The following TMTC1 variants were observed in gnomAD, a reference collection of about 807,000 sequenced individuals.
The protein encoded by TMTC1 is transmembrane O-mannosyltransferase targeting cadherins 1.
A neutral mutation model predicts 104.8 loss-of-function variants in TMTC1; 73 were observed. The observed-to-expected ratio is 0.70, with a 90% CI of 0.58 to 0.85. TMTC1 has a LOEUF of 0.85. Ranked by LOEUF, TMTC1 falls within the 40% of genes least tolerant of loss-of-function variation. TMTC1 has a pLI of 0.00. For missense variants in TMTC1, 1,035 were observed against 1,096.1 expected (o/e 0.94, Z 0.79); for synonymous variants, 434 against 428.7 (o/e 1.01, Z -0.15).
At position 29,504,995 on chromosome 12, in the gene TMTC1, G is replaced by A. The variant is rs1943667331; in HGVS notation, c.*1851C>T. ...TAATTAAGGTTGTGGATACATTTAT[G>A]TTATATAACATGAAAAAACTATTAG... is the stretch of plus-strand genomic sequence containing the variant. On this transcript the variant is annotated 3_prime_UTR_variant, in exon 18 of 18. Coordinates refer to ENST00000539277, the MANE Select transcript of TMTC1 (RefSeq NM_001193451.2). 1 of 152,128 alleles carries A rather than the reference G, an allele frequency of 6.6e-6. No homozygotes were observed. The highest frequency in any genetic ancestry group is 1.5e-5 in the Non-Finnish European group (1 of 68,022). 9.4% of individuals were successfully genotyped at this position (152,128 alleles called of 1,614,324 possible).
Position 29,681,035 on chromosome 12 carries a change from G to A in TMTC1, c.939-47699C>T, listed in dbSNP as rs569835093. ...AATCACTTGAACCTGGGAGGCAGAG[G>A]TTGCAGTGAGCCCAGATTGCACCAC... On this transcript the variant is annotated intron_variant, in intron 5 of 17. Transcript: ENST00000539277. Among the ~76,000 whole-genome samples, 90 of 146,994 alleles carry A rather than the reference G, an allele frequency of 6.1e-4. 2 individuals carry two copies. The South Asian group carries it at 0.019, about 31-fold the overall frequency.
At chr12:29,710,569 T>C (rs1941873984) in intron 5 of TMTC1, among the ~76,000 whole-genome samples, 1 of 145,204 alleles carries the variant, frequency 6.9e-6, no homozygotes. Context: ...AAATATTGTA[T>C]ATAATGTATA....
intron 9 of TMTC1, among the ~76,000 whole-genome samples, chr12:29,560,538 C>A (rs75791356): frequency 6.6e-6 from 1 of 151,880 alleles, no homozygotes; most frequent in South Asian, 2.1e-4. Context: ...GCTGGCAGAT[C>A]GCTTGAACTC....
At position 29,509,882 on chromosome 12, in the gene TMTC1, C is replaced by G. The variant is rs536207570; in HGVS notation, c.2508+2161G>C. The stretch of plus-strand genomic sequence containing the variant: ...TTCCTAATTTAAAGCAATGGGTTCA[C>G]CTGGTAAAGAGTGCAGTAGACATAC... On this transcript the variant is annotated intron_variant, in intron 17 of 17. Coordinates refer to ENST00000539277, the MANE Select transcript of TMTC1 (RefSeq NM_001193451.2). 5.0e-4 allele frequency among the ~76,000 whole-genome samples: 76 copies of G among 152,312 alleles called. 1 individual carries two copies. The highest frequency in any genetic ancestry group is 1.8e-3 in the African/African-American group (74 of 41,576).
intron 1 of TMTC1, 101 bp from the exon 2 acceptor site, chr12:29,768,176 T>C (rs1420953544): frequency 1.2e-5 from 11 of 883,190 alleles, no homozygotes; most frequent in Non-Finnish European, 1.8e-5. Context: ...GATAAGCTAT[T>C]AGATTAATGA....
intron 5 of TMTC1, among the ~76,000 whole-genome samples, chr12:29,702,510 T>C (rs1482719506): frequency 1.3e-5 from 2 of 152,176 alleles, no homozygotes; most frequent in African/African-American, 2.4e-5. Flanking sequence ...GCTGTTGGCA[T>C]CCTCAGAGAA....
chr12:29,502,388 A>G lies in TMTC1; in HGVS notation c.*4458T>C, dbSNP rs996905048. The G allele has an allele frequency of 6.6e-6, 1 of 151,614 alleles. No homozygotes were observed. The highest frequency in any genetic ancestry group is 1.5e-5 in the Non-Finnish European group (1 of 67,984). The allele number at this position is 151,614 out of a possible 1,614,324, so 9.4% of individuals were successfully genotyped here. On this transcript the variant is annotated 3_prime_UTR_variant, in exon 18 of 18. Coordinates refer to ENST00000539277, the MANE Select transcript of TMTC1 (RefSeq NM_001193451.2). ...TCTAACAAGTACAAAGAAATAATTAACAAAAGCTCATGTGTGCCCAAAATA... is the reference window on the plus strand; with the variant it reads ...TCTAACAAGTACAAAGAAATAATTAGCAAAAGCTCATGTGTGCCCAAAATA...
At chr12:29,722,051 T>C (rs1349717961) in intron 5 of TMTC1, among the ~76,000 whole-genome samples, 4 of 152,208 alleles carry the variant, frequency 2.6e-5, no homozygotes, top group Non-Finnish European at 2.9e-5. Flanking sequence ...TATCACGTCA[T>C]GTAGCTTCTA....
intron 5 of TMTC1, among the ~76,000 whole-genome samples, chr12:29,742,619 A>T (rs1294676702): frequency 3.3e-5 from 5 of 152,194 alleles, no homozygotes; most frequent in African/African-American, 4.8e-5. Flanking sequence ...TTATTTGTTT[A>T]TTAAAGTGAT....
chr12:29,552,745 C>A lies in TMTC1; in HGVS notation c.1676+4112G>T, dbSNP rs1945139434. Among the ~76,000 whole-genome samples, 4 of 152,278 alleles carry A rather than the reference C, an allele frequency of 2.6e-5. No individual in the cohort carries two copies. The South Asian group carries it at 8.3e-4, about 32-fold the overall frequency. On this transcript the variant is annotated intron_variant, in intron 10 of 17. Transcript: ENST00000539277. ...CACATCTAAAGAGATAACTTGGATTCTCAGAATGAGCATTAAGTTCCAGGT... is the reference window on the plus strand; with the variant it reads ...CACATCTAAAGAGATAACTTGGATTATCAGAATGAGCATTAAGTTCCAGGT...
At chr12:29,667,208 C>CT (rs1940320767) in intron 5 of TMTC1, among the ~76,000 whole-genome samples, 1 of 152,174 alleles carries the variant, frequency 6.6e-6, no homozygotes, top group Admixed American at 6.5e-5. Flanking sequence ...TCGTCTAAAC[C>CT]TTAATAGGCA....
chr12:29,625,803 A>G (rs1436048690), intron 6 of TMTC1, among the ~76,000 whole-genome samples: 7 of 152,180 alleles, frequency 4.6e-5, no homozygotes, highest in Admixed American at 4.6e-4. Context: ...GTGGGGAATC[A>G]CCAGTCCCCT....
chr12:29,758,507 T>A (rs1419341928), intron 3 of TMTC1, among the ~76,000 whole-genome samples, 197 bp downstream of exon 3: 2 of 152,124 alleles, frequency 1.3e-5, no homozygotes, highest in Non-Finnish European at 2.9e-5. Context: ...TTTAAGGTGC[T>A]ACAGTGTGGT....
intron 11 of TMTC1, among the ~76,000 whole-genome samples, chr12:29,525,867 C>T (rs1391787750): frequency 6.6e-6 from 1 of 152,186 alleles, no homozygotes; most frequent in African/African-American, 2.4e-5. Context: ...ATTTGTTTTA[C>T]AACTTGTCCA....
At chr12:29,737,511 T>A (rs938244668) in intron 5 of TMTC1, among the ~76,000 whole-genome samples, 3 of 151,006 alleles carry the variant, frequency 2.0e-5, no homozygotes, top group Non-Finnish European at 4.4e-5. Flanking sequence ...TGAAACTCCG[T>A]CAAAAAAATA....
At chr12:29,650,408 C>T (rs763528368) in intron 5 of TMTC1, among the ~76,000 whole-genome samples, 1 of 152,060 alleles carries the variant, frequency 6.6e-6, no homozygotes, top group Non-Finnish European at 1.5e-5. Context: ...CTGATTTTGA[C>T]TTCTGTGAAC....
At chr12:29,716,818 A>G (rs906759374) in intron 5 of TMTC1, among the ~76,000 whole-genome samples, 1 of 152,198 alleles carries the variant, frequency 6.6e-6, no homozygotes, top group Non-Finnish European at 1.5e-5. Context: ...GATCGAGACC[A>G]TCCTGGCTAA....
intron 2 of TMTC1, among the ~76,000 whole-genome samples, chr12:29,766,696 C>T (rs1943472095): frequency 6.6e-6 from 1 of 152,172 alleles, no homozygotes; most frequent in Non-Finnish European, 1.5e-5. Context: ...ACCACCATGA[C>T]ATCTTTACTG....
chr12:29,517,630 C>G, intron 13 of TMTC1, 59 bp from the exon 14 acceptor site: 1 of 1,599,764 alleles, frequency 6.3e-7, no homozygotes, highest in South Asian at 1.1e-5. Flanking sequence ...TTCCAAATGT[C>G]TAGGCTTAGA....
Sources: allele counts gnomAD v4.1 joint callset (sites outside exome capture counted in the v4.1 genomes callset), GRCh38; gene constraint gnomAD v4.1.1; transcripts MANE v1.5; gene names NCBI Gene and HGNC (gene_info 2026-07-23, HGNC 2026-07-21).